The following UBL7 variants were observed in gnomAD, a reference collection of about 807,000 sequenced individuals.
UBL7 encodes ubiquitin-like protein 7.
UBL7 carries 21 observed loss-of-function variants against 41.7 expected under a neutral mutation model. The ratio of observed to expected loss-of-function variants is 0.50; its 90% CI spans 0.36 to 0.73. UBL7 has a LOEUF of 0.73. Among genes scored for constraint, UBL7 ranks in the 30% least tolerant of loss-of-function variants. The probability of loss-of-function intolerance (pLI) is 0.00; values close to 1 mark genes in which losing one functional copy is unlikely to be tolerated. For synonymous variants in UBL7, 157 were observed against 186.9 expected (o/e 0.84, Z 1.31); for missense variants, 403 against 478.4 (o/e 0.84, Z 1.47).
chr15:74,452,460 G>A, intron 3 of UBL7, 82 bp from the exon 4 acceptor site: 1 of 1,393,200 alleles, frequency 7.2e-7, no homozygotes, highest in South Asian at 1.2e-5. Flanking sequence ...TTCAGCATGT[G>A]CCAAGGAGCA....
At chr15:74,460,654 C>T in intron 1 of UBL7, 1 of 1,274,412 alleles carries the variant, frequency 7.8e-7, no homozygotes, top group Non-Finnish European at 1.0e-6. Context: ...TTTTCTTCAT[C>T]CTTGTCCCCA....
At position 74,449,497 on chromosome 15, in the gene UBL7, T is replaced by C. The variant is rs2061220350; in HGVS notation, c.714+129A>G. On this transcript the variant is annotated intron_variant, in intron 8 of 10. Transcript: ENST00000395081. ...ATCCAAAAGCAGAAATAGTATGACA[T>C]GGTCTTGGCCCCCCAATGGCGTATG... is the stretch of plus-strand genomic sequence containing the variant. 7.1e-6 allele frequency: 11 copies of C among 1,550,722 alleles called. No homozygotes were observed. The South Asian group carries it at 8.0e-5, about 11-fold the overall frequency.
At chr15:74,460,314 C>T (rs2061336834) in intron 1 of UBL7, among the ~76,000 whole-genome samples, 1 of 141,516 alleles carries the variant, frequency 7.1e-6, no homozygotes, top group African/African-American at 2.6e-5. Context: ...TAAGTCTAAA[C>T]TTCATCGCCT....
At chr15:74,458,458 T>C (rs1263598394) in intron 2 of UBL7, among the ~76,000 whole-genome samples, 1 of 152,136 alleles carries the variant, frequency 6.6e-6, no homozygotes, top group Non-Finnish European at 1.5e-5. Context: ...GACAATGTCA[T>C]AAAGAACCTG....
rs779183433 is a variant in UBL7 at position 74,449,294 on chromosome 15, G to A, written c.774C>T (p.Tyr258=). Residue 258 remains tyrosine (Y), a synonymous_variant, in exon 9 of 11, where the codon TAC becomes TAT. Transcript: ENST00000395081. ...TPSSRPASLG[Y]SGAAGPRPIT... is the part of the protein sequence containing the mutation. ...TGGGCCGGGGCCCAGCAGCTCCACT[G>A]TACCCCAGGGAGGCTGGGCGGGAGC... The A allele has an allele frequency of 3.1e-6, 5 of 1,613,816 alleles. No individual in the cohort carries two copies. The highest frequency in any genetic ancestry group is 2.2e-5 in the East Asian group (1 of 44,896).
chr15:74,449,944 T>G lies in UBL7; in HGVS notation c.656A>C (p.Asp219Ala). The G allele has an allele frequency of 6.2e-7, 1 of 1,611,738 alleles. No individual in the cohort carries two copies. Among genetic ancestry groups the G allele is most frequent in the East Asian group, 2.2e-5 (1 of 44,828 alleles). Residue 219 changes from aspartate (D) to alanine (A), a missense_variant, in exon 7 of 11, where the codon GAT becomes GCT. By Grantham distance (126) the Asp-to-Ala change is moderately radical. Transcript: ENST00000395081. Reference sequence around the variant, plus strand: ...ACTTTTCAGGCGCTCACCTGGCATATCCCGGTATGAGCTGGAGGGCATGCT... The same window carrying G: ...ACTTTTCAGGCGCTCACCTGGCATAGCCCGGTATGAGCTGGAGGGCATGCT... ...SRSMPSSSYR[D>A]MPGGFLFEGL...
chr15:74,458,574 C>T, intron 2 of UBL7, 110 bp downstream of exon 2: 1 of 902,054 alleles, frequency 1.1e-6, no homozygotes, highest in Non-Finnish European at 1.7e-6. Context: ...GGAGTGTTAA[C>T]ATTATGAGGC....
chr15:74,450,214 A>G (rs2061230203), intron 6 of UBL7, 145 bp from the exon 7 acceptor site: 1 of 1,061,840 alleles, frequency 9.4e-7, no homozygotes, highest in Non-Finnish European at 1.3e-6. Context: ...TCCACCAGGA[A>G]GCTTTATCCT....
At chr15:74,458,471 G>T (rs1266707297) in intron 2 of UBL7, among the ~76,000 whole-genome samples, 1 of 152,176 alleles carries the variant, frequency 6.6e-6, no homozygotes, top group Non-Finnish European at 1.5e-5. Context: ...AGAACCTGGT[G>T]ATAAGGTAGT....
intron 6 of UBL7, 146 bp from the exon 7 acceptor site, chr15:74,450,215 G>A (rs1009298565): frequency 1.9e-6 from 2 of 1,056,812 alleles, no homozygotes; most frequent in Non-Finnish European, 2.6e-6. Context: ...CCACCAGGAA[G>A]CTTTATCCTC....
chr15:74,454,546 G>T (rs572227667), intron 3 of UBL7, among the ~76,000 whole-genome samples: 6 of 152,056 alleles, frequency 3.9e-5, no homozygotes, highest in Non-Finnish European at 8.8e-5. Context: ...TTACAAGCAG[G>T]CACCACCATG....
chr15:74,447,783 G>T (rs545443719), intron 10 of UBL7, among the ~76,000 whole-genome samples: 2 of 152,042 alleles, frequency 1.3e-5, no homozygotes, highest in South Asian at 4.2e-4. Context: ...TCTAATCTCC[G>T]CAGGTTGGCA....
At chr15:74,452,275 G>A in intron 4 of UBL7, 21 bp downstream of exon 4, 2 of 1,549,976 alleles carry the variant, frequency 1.3e-6, no homozygotes, top group Non-Finnish European at 1.7e-6. Context: ...GTCCTGGCTG[G>A]GGGCCGCAGC....
chr15:74,460,218 G>GGC (rs1301201827), intron 1 of UBL7, among the ~76,000 whole-genome samples: 1 of 151,962 alleles, frequency 6.6e-6, no homozygotes, highest in Non-Finnish European at 1.5e-5. Context: ...CTCCAGCTTG[G>GGC]GCGACAGAGA....
In UBL7 at chr15:74,458,693, C is replaced by G; in HGVS notation, c.175G>C (p.Glu59Gln). ...GTCCAGAGAGACTCACCAATCAGCT[C>G]AGGGTCTGGAACAGACTCCTGGAGT... ...GKLQESVPDP[E>Q]LIDLIYCGRK... is the part of the protein sequence containing the mutation. Residue 59 changes from glutamate to glutamine, a missense_variant, in exon 2 of 11, where the codon GAG becomes CAG. Physicochemically the swap from Glu to Gln is conservative, Grantham distance 29 (BLOSUM62 2). Coordinates refer to ENST00000395081, the MANE Select transcript of UBL7 (RefSeq NM_032907.5). 6.2e-7 allele frequency: 1 copy of G among 1,613,416 alleles called. No homozygotes were observed.
In UBL7 at chr15:74,456,567, G is replaced by A. The variant is rs762379553; in HGVS notation, c.289C>T (p.Pro97Ser). The change falls in exon 3 of 11, where the codon CCT becomes TCT. Residue 97 changes from proline (P) to serine (S), a missense_variant. Coordinates refer to ENST00000395081, the MANE Select transcript of UBL7 (RefSeq NM_032907.5). ...CCTCACTCACCCGGTTTCTGATCAG[G>A]TTCAGGCCAGGACTTTCGCAGAACA... ...VHVLRKSWPE[P>S]DQKPEPVDKV... 7.1e-5 allele frequency: 114 copies of A among 1,613,956 alleles called. 1 individual carries two copies. The East Asian group carries it at 2.5e-3, about 35-fold the overall frequency.
chr15:74,449,248 T>C lies in UBL7; in HGVS notation c.820A>G (p.Thr274Ala). The C allele has an allele frequency of 6.2e-7, 1 of 1,609,934 alleles. No individual in the cohort carries two copies. The highest frequency in any genetic ancestry group is 8.5e-7 in the Non-Finnish European group (1 of 1,178,494). Residue 274 changes from threonine (T) to alanine (A), a missense_variant, in exon 9 of 11, where the codon ACC (threonine) becomes GCC (alanine). Thr to Ala is a moderately conservative substitution (Grantham distance 58). Coordinates refer to ENST00000395081, the MANE Select transcript of UBL7 (RefSeq NM_032907.5). ...PRPITQSELA[T>A]ALALASTPES... is the part of the protein sequence containing the mutation. ...GGAGTGCTGGCCAGGGCCAAGGCGG[T>C]GGCCAGCTCACTCTGGGTGATGGGC...
intron 1 of UBL7, among the ~76,000 whole-genome samples, chr15:74,459,401 C>G (rs192884205): frequency 2.3e-3 from 350 of 151,532 alleles, no homozygotes; most frequent in South Asian, 7.9e-3. Flanking sequence ...CCCAGGTTCA[C>G]GCCATTCTCC....
intron 2 of UBL7, among the ~76,000 whole-genome samples, chr15:74,457,653 C>T (rs1444562229): frequency 1.3e-5 from 2 of 150,528 alleles, no homozygotes; most frequent in Non-Finnish European, 3.0e-5. Flanking sequence ...AGGAAAATTG[C>T]CTGAACCTGG....
Sources: gnomAD v4.1 joint callset for allele counts (sites outside exome capture counted in the v4.1 genomes callset) on GRCh38, gnomAD v4.1.1 for gene constraint, MANE v1.5 for transcripts, NCBI Gene and HGNC (gene_info 2026-07-23, HGNC 2026-07-21) for gene names.